CASKIN2: variants seen among roughly 807,000 people sequenced by gnomAD.
The protein encoded by CASKIN2 is caskin-2.
Under a neutral mutation model 107.1 loss-of-function variants are expected in CASKIN2, and 41 were observed. The ratio of observed to expected loss-of-function variants is 0.38; its 90% CI spans 0.30 to 0.50. The LOEUF is 0.50. Ranked by LOEUF, CASKIN2 falls within the 20% of genes least tolerant of loss-of-function variation. The pLI is 0.92. For missense variants in CASKIN2, 1,546 were observed against 1,657.4 expected, an observed-to-expected ratio of 0.93 and a Z score of 1.17; for synonymous variants, 724 against 705.6, an observed-to-expected ratio of 1.03 and a Z score of -0.41.
chr17:75,505,101 G>A lies in CASKIN2; in HGVS notation c.931-28C>T, dbSNP rs780729825. On this transcript the variant is annotated intron_variant, in intron 10 of 19. Transcript: ENST00000321617. The surrounding 1 kb of genome is among the most constrained non-coding windows in gnomAD (Gnocchi z 5.1). Reference sequence around the variant, plus strand: ...GCGGCCAGGGGTGGGGGGCGGGGACGGTCACTCCCAGCACCAGGCAAGTGG... The same window carrying A: ...GCGGCCAGGGGTGGGGGGCGGGGACAGTCACTCCCAGCACCAGGCAAGTGG... 1.2e-5 allele frequency: 20 copies of A among 1,602,724 alleles called. No individual in the cohort carries two copies. Among genetic ancestry groups the A allele is most frequent in the African/African-American group, 1.1e-4 (8 of 74,700 alleles).
Position 75,513,952 on chromosome 17 carries a change from C to A in CASKIN2, c.-148G>T. On this transcript the variant is annotated 5_prime_UTR_variant, in exon 2 of 20. Transcript: ENST00000321617. ...AGTCAGGTGTCCCAGGCAGTGGGCT[C>A]CTCGTCAGGTACTGAGGGATACTCC... The A allele has an allele frequency of 1.5e-6, 1 of 654,542 alleles. No homozygotes were observed. The highest frequency in any genetic ancestry group is 1.8e-5 in the South Asian group (1 of 56,194). The allele number at this position is 654,542 out of a possible 1,614,324, so 40.5% of individuals were successfully genotyped here. A position where few individuals can be genotyped will look rare whatever the true frequency, so the allele number is the denominator to read the frequency against.
rs749914889 is a variant in CASKIN2 at position 75,504,621 on chromosome 17, G to C, written c.1265C>G (p.Ser422Cys). Residue 422 changes from serine (S) to cysteine (C), a missense_variant, in exon 12 of 20, where the codon TCT (serine) becomes TGT (cysteine). This residue lies in a region of CASKIN2 where 1,311 missense variants were observed against 1,311.0 expected (regional missense o/e 1.00). Coordinates refer to ENST00000321617, the MANE Select transcript of CASKIN2 (RefSeq NM_020753.5). ...SIRSAGSGQS[S>C]EGTNGHGPGL... ...AGGGCCATGGCCATTAGTGCCCTCA[G>C]AGCTCTGCCCGCTGCCGGCACTGCG... is the stretch of plus-strand genomic sequence containing the variant. 6.2e-7 allele frequency: 1 copy of C among 1,609,206 alleles called. No individual in the cohort carries two copies. Among genetic ancestry groups the C allele is most frequent in the Non-Finnish European group, 8.5e-7 (1 of 1,177,258 alleles).
chr17:75,500,686 G>GTAGATCTC lies in CASKIN2; in HGVS notation c.*393_*394insGAGATCTA. On this transcript the variant is annotated 3_prime_UTR_variant, in exon 20 of 20. Transcript: ENST00000321617. Reference sequence around the variant, plus strand: ...CCTCTCAGGGCCTGGGCAGGATGGTGGGTGGCAAGAGGCATTCCCTTGGCA... The same window carrying GTAGATCTC: ...CCTCTCAGGGCCTGGGCAGGATGGTGTAGATCTCGGTGGCAAGAGGCATTCCCTTGGCA... 4.0e-6 allele frequency: 1 copy of GTAGATCTC among 249,614 alleles called. No homozygotes were observed. The highest frequency in any genetic ancestry group is 8.0e-6 in the Non-Finnish European group (1 of 125,762). The allele number at this position is 249,614 out of a possible 1,614,324, so 15.5% of individuals were successfully genotyped here.
chr17:75,503,775 C>G lies in CASKIN2; in HGVS notation c.1579-15G>C. 1 of 1,612,258 alleles carries G rather than the reference C, an allele frequency of 6.2e-7. No individual in the cohort carries two copies. The highest frequency in any genetic ancestry group is 1.3e-5 in the African/African-American group (1 of 75,044). On this transcript the variant is annotated splice_polypyrimidine_tract_variant and intron_variant, in intron 15 of 19. Coordinates refer to ENST00000321617, the MANE Select transcript of CASKIN2 (RefSeq NM_020753.5). ...GCCGTCAGGTCCTGCCACACAAAGT[C>G]TGGCCATCAGGCCCCTCCCCCGCCT...
chr17:75,501,064 G>A lies in CASKIN2; in HGVS notation c.*16C>T, dbSNP rs373575539. 1.3e-6 allele frequency: 2 copies of A among 1,558,172 alleles called. No homozygotes were observed. The highest frequency in any genetic ancestry group is 3.9e-5 in the Admixed American group (2 of 51,848). On this transcript the variant is annotated 3_prime_UTR_variant, in exon 20 of 20. Coordinates refer to ENST00000321617, the MANE Select transcript of CASKIN2 (RefSeq NM_020753.5). ...CAGTGGACTTCGGCAGGTCACAGTG[G>A]GCACTGCTGGAGGGCTCAGTCCAGC...
rs768339019 is a variant in CASKIN2, at chr17:75,503,962, C to T, written c.1468G>A (p.Asp490Asn). ...VRPEQLLEGK[D>N]AQAIHNWLSE... ...AGCCAGTTATGAATGGCCTGCGCGT[C>T]CTGCGGGGTGGGGGAAGGGGGCAGA... Residue 490 changes from aspartate (D) to asparagine (N), a missense_variant and splice_region_variant, in exon 15 of 20, where the codon GAC becomes AAC. Transcript: ENST00000321617. The T allele has an allele frequency of 1.4e-5, 22 of 1,609,702 alleles. No homozygotes were observed. The highest frequency in any genetic ancestry group is 1.1e-5 in the Non-Finnish European group (13 of 1,178,690).
Position 75,508,303 on chromosome 17 carries a change from A to C in CASKIN2, c.95-18T>G. 1 of 1,612,498 alleles carries C rather than the reference A, an allele frequency of 6.2e-7. No individual in the cohort carries two copies. ...CAGGAGCTCTAGGGGTCAGGATAGG[A>C]GGTGTCAGGGCCATCAGATGACTGC... On this transcript the variant is annotated intron_variant, in intron 2 of 19. Coordinates refer to ENST00000321617, the MANE Select transcript of CASKIN2 (RefSeq NM_020753.5).
At position 75,504,544 on chromosome 17, in the gene CASKIN2, G is replaced by A. The variant is rs1001420054; in HGVS notation, c.1314+28C>T. On this transcript the variant is annotated intron_variant, in intron 12 of 19. Transcript: ENST00000321617. ...GAACTGGCAGTGGGGAGTGAGCCCT[G>A]ACCTGGTCCGTGACCCCATCATCCT... 12 of 1,595,386 alleles carry A rather than the reference G, an allele frequency of 7.5e-6. No homozygotes were observed. The African/African-American group carries it at 1.6e-4, about 21-fold the overall frequency.
chr17:75,509,450 G>A (rs2053298606), intron 2 of CASKIN2: 2 of 456,292 alleles, frequency 4.4e-6, no homozygotes. Context: ...CTGGCAGTAG[G>A]GAACATGGCA....
chr17:75,503,978 A>AG lies in CASKIN2; in HGVS notation c.1468-17dup. 6.2e-7 allele frequency: 1 copy of AG among 1,600,152 alleles called. No individual in the cohort carries two copies. ...CCTGCGCGTCCTGCGGGGTGGGGGA[A>AG]GGGGGCAGAATTAGCAGGAGCTGGA... On this transcript the variant is annotated splice_polypyrimidine_tract_variant and intron_variant, in intron 14 of 19. Coordinates refer to ENST00000321617, the MANE Select transcript of CASKIN2 (RefSeq NM_020753.5).
At chr17:75,513,031 G>A (rs1043242062) in intron 2 of CASKIN2, among the ~76,000 whole-genome samples, 6 of 152,162 alleles carry the variant, frequency 3.9e-5, no homozygotes, top group Admixed American at 1.3e-4. Flanking sequence ...CTAACCCACT[G>A]TCAGAAATCT....
rs1047847199 is a variant in CASKIN2 at position 75,501,575 on chromosome 17, C to T, written c.3411G>A (p.Gly1137=). The change falls in exon 19 of 20, where the codon GGG becomes GGA. Residue 1137 remains glycine (G), a synonymous_variant. Transcript: ENST00000321617. Reference sequence around the variant, plus strand: ...GCTGGGCCTGGCCTGGGCCCACAGTCCCAGTGCTCTCAGGCCGTGGAGGAG... The same window carrying T: ...GCTGGGCCTGGCCTGGGCCCACAGTTCCAGTGCTCTCAGGCCGTGGAGGAG... The part of the protein sequence containing the change: ...PVPPPRPEST[G]TVGPGQAQQR... The T allele has an allele frequency of 1.3e-5, 21 of 1,610,366 alleles. No individual in the cohort carries two copies. The highest frequency in any genetic ancestry group is 1.7e-5 in the Non-Finnish European group (20 of 1,178,276).
rs1017665875 is a variant in CASKIN2, at chr17:75,501,024, G to C, written c.*56C>G. ...CCCTAGGGTGGCAGGGGCCTCTTCTGTGCTGGGGCAAAGGCAGTGGACTTC... is the reference window on the plus strand; with the variant it reads ...CCCTAGGGTGGCAGGGGCCTCTTCTCTGCTGGGGCAAAGGCAGTGGACTTC... On this transcript the variant is annotated 3_prime_UTR_variant, in exon 20 of 20. Transcript: ENST00000321617. 1 of 1,508,590 alleles carries C rather than the reference G, an allele frequency of 6.6e-7. No homozygotes were observed. 93.5% of individuals were successfully genotyped at this position (1,508,590 alleles called of 1,614,324 possible).
intron 2 of CASKIN2, among the ~76,000 whole-genome samples, chr17:75,511,821 C>T (rs866207015): frequency 2.6e-5 from 4 of 152,248 alleles, no homozygotes; most frequent in Admixed American, 6.5e-5. Flanking sequence ...CTGCAGTTCC[C>T]GCCACTGGCC....
chr17:75,504,738 C>A, intron 11 of CASKIN2, 45 bp from the exon 12 acceptor site: 1 of 1,577,008 alleles, frequency 6.3e-7, no homozygotes, highest in Non-Finnish European at 8.6e-7. Flanking sequence ...AAGTGTCGCT[C>A]TGACAGCTGT....
Position 75,506,332 on chromosome 17 carries a change from C to T in CASKIN2, c.699G>A (p.Lys233=). 1 of 1,612,128 alleles carries T rather than the reference C, an allele frequency of 6.2e-7. No homozygotes were observed. The highest frequency in any genetic ancestry group is 8.5e-7 in the Non-Finnish European group (1 of 1,179,924). The change falls in exon 8 of 20, where the codon AAG becomes AAA. Residue 233 remains lysine, a synonymous_variant. Coordinates refer to ENST00000321617, the MANE Select transcript of CASKIN2 (RefSeq NM_020753.5). This position sits in a 1 kb window ranked among gnomAD's most constrained non-coding sequence, Gnocchi z 4.8. Reference sequence around the variant, plus strand: ...CCAGAAGCAGCCGCACCACCTCGGTCTTGCCATACAGTGCGGCCTCGTGGA... The same window carrying T: ...CCAGAAGCAGCCGCACCACCTCGGTTTTGCCATACAGTGCGGCCTCGTGGA... ...TALHEAALYG[K]TEVVRLLLEG...
At position 75,501,773 on chromosome 17, in the gene CASKIN2, T is replaced by G; in HGVS notation, c.3295+6A>C. 6.5e-7 allele frequency: 1 copy of G among 1,531,216 alleles called. No individual in the cohort carries two copies. The highest frequency in any genetic ancestry group is 8.8e-7 in the Non-Finnish European group (1 of 1,140,736). The allele number at this position is 1,531,216 out of a possible 1,614,324, so 94.9% of individuals were successfully genotyped here. On this transcript the variant is annotated splice_donor_region_variant and intron_variant, in intron 18 of 19. Transcript: ENST00000321617. Reference sequence around the variant, plus strand: ...CAGTGACTCTCCCACAGGCCTCCCCTCTTACCTGCTCCGGGCACCTTGAGG... The same window carrying G: ...CAGTGACTCTCCCACAGGCCTCCCCGCTTACCTGCTCCGGGCACCTTGAGG...
At chr17:75,503,586 GA>G in intron 16 of CASKIN2, 59 bp from the exon 17 acceptor site, 2 of 1,603,524 alleles carry the variant, frequency 1.2e-6, no homozygotes, top group Non-Finnish European at 1.7e-6. Context: ...AGCCAGAGGA[GA>G]AAAGGCACCG....
At chr17:75,511,837 A>T (rs577916819) in intron 2 of CASKIN2, among the ~76,000 whole-genome samples, 1 of 152,176 alleles carries the variant, frequency 6.6e-6, no homozygotes, top group East Asian at 1.9e-4. Flanking sequence ...TGGCCTCCAA[A>T]CCCCTCCCGC....
Sources: allele counts gnomAD v4.1 joint callset (sites outside exome capture counted in the v4.1 genomes callset), GRCh38; gene constraint gnomAD v4.1.1; regional missense constraint gnomAD v4.1.1; non-coding constraint Gnocchi (gnomAD v3.1); transcripts MANE v1.5; gene names NCBI Gene and HGNC (gene_info 2026-07-23, HGNC 2026-07-21).